MTUS1: variants seen among roughly 807,000 people sequenced by gnomAD.
MTUS1 encodes microtubule-associated tumor suppressor 1.
A neutral mutation model predicts 120.8 loss-of-function variants in MTUS1; 109 were observed. That is an observed-to-expected ratio of 0.90 (90% CI 0.77 to 1.06). MTUS1 has a LOEUF of 1.06. MTUS1 is among the 50% of genes least tolerant of loss of function. MTUS1 has a pLI of 0.00. For missense variants in MTUS1, 2,210 were observed against 1,486.3 expected (o/e 1.49, Z -8.01); for synonymous variants, 737 against 550.5 (o/e 1.34, Z -4.74).
intron 7 of MTUS1, among the ~76,000 whole-genome samples, chr8:17,678,801 A>T (rs1347963558): frequency 6.6e-6 from 1 of 150,566 alleles, no homozygotes; most frequent in African/African-American, 2.4e-5. Context: ...AGGTTTGGGG[A>T]GGGTGACCTC....
intron 7 of MTUS1, among the ~76,000 whole-genome samples, chr8:17,678,576 G>C (rs935275103): frequency 6.6e-6 from 1 of 152,030 alleles, no homozygotes; most frequent in East Asian, 1.9e-4. Flanking sequence ...ATCTTGCAGA[G>C]AATAGCCACA....
intron 6 of MTUS1, among the ~76,000 whole-genome samples, chr8:17,700,361 T>G (rs1177636863): frequency 1.3e-5 from 2 of 149,594 alleles, no homozygotes; most frequent in Admixed American, 6.8e-5. Context: ...TCCCAGCTAC[T>G]CAGGAAGCTG....
intron 1 of MTUS1, among the ~76,000 whole-genome samples, chr8:17,789,455 T>C (rs1563397675): frequency 6.6e-6 from 1 of 152,186 alleles, no homozygotes; most frequent in Non-Finnish European, 1.5e-5. Flanking sequence ...AAATATAAAA[T>C]CTTTACCCCA....
At chr8:17,697,084 T>C (rs990404621) in intron 6 of MTUS1, among the ~76,000 whole-genome samples, 1 of 152,230 alleles carries the variant, frequency 6.6e-6, no homozygotes, top group Non-Finnish European at 1.5e-5. Context: ...AAAAGTACTA[T>C]GCACTTGTGC....
intron 3 of MTUS1, among the ~76,000 whole-genome samples, chr8:17,736,003 C>T (rs574500231): frequency 6.6e-6 from 1 of 152,228 alleles, no homozygotes; most frequent in Non-Finnish European, 1.5e-5. Flanking sequence ...CTTATCCCCT[C>T]ACCCTCCAAC....
At chr8:17,666,310 C>G (rs80257931) in intron 8 of MTUS1, among the ~76,000 whole-genome samples, 3,733 of 151,294 alleles carry the variant, frequency 0.025, 166 homozygotes, top group African/African-American at 0.085. Flanking sequence ...GATTTTAAGT[C>G]AGGGACTATT....
intron 5 of MTUS1, among the ~76,000 whole-genome samples, chr8:17,715,332 G>C (rs1313969981): frequency 6.6e-6 from 1 of 152,118 alleles, no homozygotes; most frequent in African/African-American, 2.4e-5. Flanking sequence ...CAAATAAAAA[G>C]TGAGGGATAT....
chr8:17,655,783 C>T (rs1481069134), intron 9 of MTUS1, 80 bp downstream of exon 9: 4 of 1,215,300 alleles, frequency 3.3e-6, no homozygotes, highest in Non-Finnish European at 3.6e-6. Flanking sequence ...AAAAGAGAAG[C>T]TCATCAAGAT....
At chr8:17,711,887 G>A (rs79624570) in intron 6 of MTUS1, among the ~76,000 whole-genome samples, 4,864 of 152,234 alleles carry the variant, frequency 0.032, 142 homozygotes, top group Admixed American at 0.086. Context: ...GAATAAGGAA[G>A]ACCAAGAAAA....
chr8:17,730,916 A>G (rs2046531728), intron 3 of MTUS1, among the ~76,000 whole-genome samples: 1 of 152,192 alleles, frequency 6.6e-6, no homozygotes, highest in African/African-American at 2.4e-5. Context: ...AAAAATGTGA[A>G]TGTACTTAAT....
intron 1 of MTUS1, among the ~76,000 whole-genome samples, chr8:17,782,676 C>T (rs532292444): frequency 4.6e-5 from 7 of 152,304 alleles, no homozygotes; most frequent in Middle Eastern, 3.4e-3. Flanking sequence ...TTTCTTTATC[C>T]CTAACTTGGA....
intron 6 of MTUS1, chr8:17,691,190 A>G (rs1277516042): frequency 6.6e-6 from 1 of 152,232 alleles, no homozygotes; most frequent in African/African-American, 2.4e-5. Flanking sequence ...GTAAAAGTAG[A>G]TACTACATTA....
At chr8:17,704,265 G>A (rs934702759) in intron 6 of MTUS1, 7 of 152,022 alleles carry the variant, frequency 4.6e-5, no homozygotes, top group African/African-American at 1.7e-4. Flanking sequence ...TTAAATGACT[G>A]CTTTGCTCTG....
chr8:17,680,556 T>G (rs1814222642), intron 7 of MTUS1, among the ~76,000 whole-genome samples: 1 of 150,540 alleles, frequency 6.6e-6, no homozygotes, highest in African/African-American at 2.5e-5. Context: ...GACCTAAATT[T>G]AAGTATAAGG....
rs541166085 is a variant in MTUS1 at position 17,706,054 on chromosome 8, A to C, written c.2623+7160T>G. On this transcript the variant is annotated intron_variant, in intron 6 of 14. Transcript: ENST00000693296. The stretch of plus-strand genomic sequence containing the variant: ...AATAAATTACAACAGTTAGACCCCA[A>C]GAGGTTGGTTCTTGACTTTAAGCAG... The C allele has an allele frequency of 3.3e-5, 5 of 152,258 alleles. No individual in the cohort carries two copies. In the East Asian group the frequency reaches 7.7e-4, roughly 24 times the overall value. The allele number at this position is 152,258 out of a possible 1,614,324, so 9.4% of individuals were successfully genotyped here.
chr8:17,713,013 C>T (rs1400199058), intron 6 of MTUS1, among the ~76,000 whole-genome samples: 1 of 152,112 alleles, frequency 6.6e-6, no homozygotes, highest in Non-Finnish European at 1.5e-5. Context: ...ATTAGTAATA[C>T]AATGTCCTTT....
At chr8:17,659,729 G>A (rs932547990) in intron 8 of MTUS1, among the ~76,000 whole-genome samples, 3 of 152,136 alleles carry the variant, frequency 2.0e-5, no homozygotes, top group Admixed American at 1.3e-4. Flanking sequence ...TGATGAAGCA[G>A]ATACCAAATT....
intron 6 of MTUS1, among the ~76,000 whole-genome samples, chr8:17,689,283 T>G (rs1166953983): frequency 6.6e-6 from 1 of 152,030 alleles, no homozygotes; most frequent in East Asian, 1.9e-4. Flanking sequence ...GGAGGAGGAT[T>G]TAGGATGCCT....
intron 8 of MTUS1, among the ~76,000 whole-genome samples, chr8:17,668,456 T>C (rs1811358859): frequency 6.6e-6 from 1 of 152,156 alleles, no homozygotes. Flanking sequence ...AAGAATCTTA[T>C]CCTAGAGGCA....
Sources: allele counts gnomAD v4.1 joint callset (sites outside exome capture counted in the v4.1 genomes callset), GRCh38; gene constraint gnomAD v4.1.1; transcripts MANE v1.5; gene names NCBI Gene and HGNC (gene_info 2026-07-23, HGNC 2026-07-21).